PCDH10: variants seen among roughly 807,000 people sequenced by gnomAD.
PCDH10 encodes protocadherin 10, also known as protocadherin-10.
PCDH10 carries 15 observed loss-of-function variants against 74.4 expected under a neutral mutation model. The observed-to-expected ratio is 0.20, with a 90% CI of 0.13 to 0.31. PCDH10 has a LOEUF of 0.31. PCDH10 is among the 10% of genes least tolerant of loss of function. The pLI is 1.00. For synonymous variants in PCDH10, 619 were observed against 589.8 expected, an observed-to-expected ratio of 1.05 and a Z score of -0.72; for missense variants, 1,260 against 1,390.2, an observed-to-expected ratio of 0.91 and a Z score of 1.49.
At chr4:133,178,437 T>C (rs1330101164) in intron 4 of PCDH10, among the ~76,000 whole-genome samples, 2 of 151,950 alleles carry the variant, frequency 1.3e-5, no homozygotes, top group Non-Finnish European at 2.9e-5. Context: ...GGTTTCTCCA[T>C]GTTGGTCAGG....
chr4:133,183,705 T>G (rs1727467035), intron 4 of PCDH10, among the ~76,000 whole-genome samples: 1 of 152,158 alleles, frequency 6.6e-6, no homozygotes, highest in Admixed American at 6.6e-5. Flanking sequence ...GCACACACTC[T>G]GCTAGGTGAG....
chr4:133,157,796 TTTTC>T (rs910933722), intron 3 of PCDH10, among the ~76,000 whole-genome samples: 2 of 152,182 alleles, frequency 1.3e-5, no homozygotes, highest in African/African-American at 2.4e-5. Flanking sequence ...TTATGAATAG[TTTTC>T]TTTTTTTGTT....
intron 4 of PCDH10, chr4:133,163,869 T>G (rs1468947077): frequency 2.3e-6 from 1 of 435,602 alleles, no homozygotes; most frequent in Admixed American, 2.7e-5. Context: ...AGTAAAAGAG[T>G]TTTTAAAAAC....
At chr4:133,160,013 T>C (rs1163217939) in intron 3 of PCDH10, among the ~76,000 whole-genome samples, 1 of 151,992 alleles carries the variant, frequency 6.6e-6, no homozygotes, top group Non-Finnish European at 1.5e-5. Flanking sequence ...ATACAGTATC[T>C]TCCAAAGGTG....
At chr4:133,160,177 T>C (rs1324084346) in intron 3 of PCDH10, among the ~76,000 whole-genome samples, 1 of 151,982 alleles carries the variant, frequency 6.6e-6, no homozygotes, top group Non-Finnish European at 1.5e-5. Context: ...TATGTCTGAT[T>C]TTTCTTCCTG....
downstream of PCDH10, among the ~76,000 whole-genome samples, chr4:133,195,399 A>G (rs1203245328): frequency 2.6e-5 from 4 of 152,080 alleles, no homozygotes; most frequent in Non-Finnish European, 4.4e-5. Context: ...TAAAATACAG[A>G]AGAATGATAG....
At chr4:133,199,539 CTGA>C (rs1258943084), downstream of PCDH10, among the ~76,000 whole-genome samples, 2 of 149,766 alleles carry the variant, frequency 1.3e-5, no homozygotes, top group African/African-American at 4.9e-5. Context: ...GGTCAGTCAG[CTGA>C]TGAAGGTGAG....
rs192166740 is a variant in PCDH10 at position 133,191,284 on chromosome 4, T to A, written c.*1124T>A. ...CAGAATTTTATTTTACATAGTTTTGTGACTTAATTACACATGAATATAAAA... is the reference window on the plus strand; with the variant it reads ...CAGAATTTTATTTTACATAGTTTTGAGACTTAATTACACATGAATATAAAA... On this transcript the variant is annotated 3_prime_UTR_variant, in exon 5 of 5. Coordinates refer to ENST00000264360, the MANE Select transcript of PCDH10 (RefSeq NM_032961.3). 8.9e-4 allele frequency: 135 copies of A among 152,356 alleles called. No homozygotes were observed. The highest frequency in any genetic ancestry group is 3.2e-3 in the African/African-American group (132 of 41,562). The allele number at this position is 152,356 out of a possible 1,614,324, so 9.4% of individuals were successfully genotyped here. A position where few individuals can be genotyped will look rare whatever the true frequency, so the allele number is the denominator to read the frequency against.
rs1297468762 is a variant in PCDH10, at chr4:133,151,260, G to C, written c.1120G>C (p.Gly374Arg). Residue 374 changes from glycine (G) to arginine (R), a missense_variant, in exon 1 of 5, where the codon GGC becomes CGC. By Grantham distance (125) the Gly-to-Arg change is moderately radical. Around this residue, in one of 11 missense-constraint regions of PCDH10, gnomAD observed 112 missense variants for 123.6 expected, o/e 0.91. Transcript: ENST00000264360. Reference protein sequence around the residue: ...KEAVSEGAAPGTVVALFSVTD... With the variant: ...KEAVSEGAAPRTVVALFSVTD... ...AGCGGTGAGTGAGGGCGCGGCGCCCGGCACTGTGGTGGCCCTTTTCAGCGT... is the reference window on the plus strand; with the variant it reads ...AGCGGTGAGTGAGGGCGCGGCGCCCCGCACTGTGGTGGCCCTTTTCAGCGT... 1 of 1,613,930 alleles carries C rather than the reference G, an allele frequency of 6.2e-7. No homozygotes were observed. Among genetic ancestry groups the C allele is most frequent in the Non-Finnish European group, 8.5e-7 (1 of 1,180,012 alleles).
intron 2 of PCDH10, among the ~76,000 whole-genome samples, chr4:133,199,778 T>TTAC (rs1168909148): frequency 4.1e-5 from 6 of 145,494 alleles, no homozygotes; most frequent in African/African-American, 1.5e-4. Flanking sequence ...ATTATTATTA[T>TTAC]TATTATTACT....
intron 2 of PCDH10, among the ~76,000 whole-genome samples, chr4:133,206,218 T>C (rs1728001648): frequency 6.6e-6 from 1 of 152,046 alleles, no homozygotes; most frequent in Admixed American, 6.6e-5. Flanking sequence ...TGAAAACTAA[T>C]TGGGAAAAAA....
intron 4 of PCDH10, among the ~76,000 whole-genome samples, chr4:133,177,311 C>T (rs1727315159): frequency 6.6e-6 from 1 of 152,136 alleles, no homozygotes. Flanking sequence ...CTGATTCTCA[C>T]AATCAGCTTT....
rs1385056501 is a variant in PCDH10, at chr4:133,150,896, A to C, written c.756A>C (p.Gln252His). 1 of 1,610,300 alleles carries C rather than the reference A, an allele frequency of 6.2e-7. No homozygotes were observed. Among genetic ancestry groups the C allele is most frequent in the East Asian group, 2.2e-5 (1 of 44,644 alleles). ...ATGACAATGTGCCCGCTTTCGACCA[A>C]CCCGTCTACACTGTGTCCCTACCAG... The part of the protein sequence containing the change: ...DSNDNVPAFD[Q>H]PVYTVSLPEN... The change falls in exon 1 of 5, where the codon CAA becomes CAC. Residue 252 changes from glutamine to histidine, a missense_variant. By Grantham distance (24) the Gln-to-His change is conservative (BLOSUM62 0). Around this residue, in one of 11 missense-constraint regions of PCDH10, gnomAD observed 192 missense variants for 161.2 expected, o/e 1.19. Transcript: ENST00000264360.
At chr4:133,181,202 A>G (rs1727407331) in intron 4 of PCDH10, among the ~76,000 whole-genome samples, 1 of 152,094 alleles carries the variant, frequency 6.6e-6, no homozygotes, top group African/African-American at 2.4e-5. Flanking sequence ...ATCATAATAC[A>G]AAGAAATAAT....
intron 2 of PCDH10, among the ~76,000 whole-genome samples, chr4:133,206,540 T>C (rs527428995): frequency 1.9e-4 from 29 of 152,346 alleles, no homozygotes; most frequent in African/African-American, 7.0e-4. Flanking sequence ...CCAGGTTTCT[T>C]CTTTACACTC....
At chr4:133,173,546 C>G (rs1181311872) in intron 4 of PCDH10, among the ~76,000 whole-genome samples, 1 of 151,846 alleles carries the variant, frequency 6.6e-6, no homozygotes, top group African/African-American at 2.4e-5. Flanking sequence ...TTGTATTTTC[C>G]CATGAAATGC....
chr4:133,197,108 G>A (rs1457583400), downstream of PCDH10, among the ~76,000 whole-genome samples: 1 of 152,078 alleles, frequency 6.6e-6, no homozygotes, highest in Non-Finnish European at 1.5e-5. Flanking sequence ...AACAAATCTG[G>A]CTGGGTTCGC....
At chr4:133,195,803 G>T (rs1727783940), downstream of PCDH10, among the ~76,000 whole-genome samples, 1 of 151,862 alleles carries the variant, frequency 6.6e-6, no homozygotes, top group Non-Finnish European at 1.5e-5. Context: ...AAAAGCAAAT[G>T]GTTCTTTGTG....
chr4:133,160,448 T>A (rs1726944054), intron 3 of PCDH10, among the ~76,000 whole-genome samples: 1 of 151,510 alleles, frequency 6.6e-6, no homozygotes, highest in Admixed American at 6.6e-5. Context: ...TTATTTTTAA[T>A]ACAGATTCTC....
Sources: gnomAD v4.1 joint callset for allele counts (sites outside exome capture counted in the v4.1 genomes callset) on GRCh38, gnomAD v4.1.1 for gene constraint, gnomAD v4.1.1 regional missense constraint, MANE v1.5 for transcripts, NCBI Gene and HGNC (gene_info 2026-07-23, HGNC 2026-07-21) for gene names.